Variants in UTP25 observed in about 807,000 individuals in gnomAD.
UTP25 encodes U3 small nucleolar RNA-associated protein 25 homolog.
A neutral mutation model predicts 78.9 loss-of-function variants in UTP25; 50 were observed. That is an observed-to-expected ratio of 0.63 (90% CI 0.50 to 0.80). The LOEUF (loss-of-function observed/expected upper bound fraction) is 0.80, where lower values mean the gene tolerates loss of function less well. Ranked by LOEUF, UTP25 falls within the 30% of genes least tolerant of loss-of-function variation. The probability of loss-of-function intolerance (pLI) is 0.00; values close to 1 mark genes in which losing one functional copy is unlikely to be tolerated. For missense variants in UTP25, 846 were observed against 911.3 expected (o/e 0.93, Z 0.92); for synonymous variants, 329 against 336.5 (o/e 0.98, Z 0.24).
chr1:209,840,671 T>A (rs1419203465), intron 7 of UTP25, among the ~76,000 whole-genome samples, 182 bp from the exon 8 acceptor site: 1 of 152,196 alleles, frequency 6.6e-6, no homozygotes, highest in East Asian at 1.9e-4. Context: ...GGACTATAGA[T>A]GCAAGGGAGA....
chr1:209,828,258 C>T (rs1200745687), intron 1 of UTP25, 88 bp downstream of exon 1: 2 of 982,980 alleles, frequency 2.0e-6, no homozygotes, highest in Non-Finnish European at 3.1e-6. Context: ...GCTGCTCCGG[C>T]CTTTTCCCAC....
rs957776521 is a variant in UTP25, at chr1:209,851,740, T to G, written c.*293T>G. 5 of 256,082 alleles carry G rather than the reference T, an allele frequency of 2.0e-5. No homozygotes were observed. Among genetic ancestry groups the G allele is most frequent in the African/African-American group, 1.1e-4 (5 of 45,064 alleles). The allele number at this position is 256,082 out of a possible 1,614,324, so 15.9% of individuals were successfully genotyped here. A position where few individuals can be genotyped will look rare whatever the true frequency, so the allele number is the denominator to read the frequency against. ...GAATATTTTTGTGAGACATAAATTCTTTTATTACGATTTACCTCTAATTTA... is the reference window on the plus strand; with the variant it reads ...GAATATTTTTGTGAGACATAAATTCGTTTATTACGATTTACCTCTAATTTA... On this transcript the variant is annotated 3_prime_UTR_variant, in exon 12 of 12. Transcript: ENST00000491415.
chr1:209,845,863 C>CT (rs72219049), intron 11 of UTP25, among the ~76,000 whole-genome samples: 244 of 111,462 alleles, frequency 2.2e-3, no homozygotes, highest in Admixed American at 4.6e-3. Flanking sequence ...TTTTCTTTTT[C>CT]TTTTTTTTTT....
chr1:209,851,313 G>A lies in UTP25; in HGVS notation c.2137G>A (p.Ala713Thr). The stretch of plus-strand genomic sequence containing the variant: ...GAGAGCCACCAACAGAGGAGAAGAG[G>A]CCACGTGGACCTGCACTGTTCTCTA... Reference protein sequence around the residue: ...MLRATNRGEEATWTCTVLYSK... With the variant: ...MLRATNRGEETTWTCTVLYSK... The change falls in exon 12 of 12, where the codon GCC (alanine) becomes ACC (threonine). Residue 713 changes from alanine (A) to threonine (T), a missense_variant. Ala to Thr is a moderately conservative substitution (Grantham distance 58, BLOSUM62 0). Coordinates refer to ENST00000491415, the MANE Select transcript of UTP25 (RefSeq NM_014388.7). 3 of 1,614,198 alleles carry A rather than the reference G, an allele frequency of 1.9e-6. No individual in the cohort carries two copies. The highest frequency in any genetic ancestry group is 1.7e-6 in the Non-Finnish European group (2 of 1,180,028).
chr1:209,850,653 T>C (rs1463583670), intron 11 of UTP25, among the ~76,000 whole-genome samples: 4 of 152,202 alleles, frequency 2.6e-5, no homozygotes, highest in Non-Finnish European at 4.4e-5. Context: ...TTGAAACTAA[T>C]TGCTTTCTCA....
At chr1:209,833,539 C>G (rs657861) in intron 4 of UTP25, among the ~76,000 whole-genome samples, 181 bp downstream of exon 4, 103,728 of 152,028 alleles carry the variant, frequency 0.68, 36,083 homozygotes, top group Non-Finnish European at 0.75. Flanking sequence ...AGGGGTTGGA[C>G]GGGACATTTA....
In UTP25 at chr1:209,854,667, G is replaced by T. The variant is rs1002390336; in HGVS notation, c.*3220G>T. 4 of 152,326 alleles carry T rather than the reference G, an allele frequency of 2.6e-5. No homozygotes were observed. The highest frequency in any genetic ancestry group is 9.6e-5 in the African/African-American group (4 of 41,460). 9.4% of individuals were successfully genotyped at this position (152,326 alleles called of 1,614,324 possible). On this transcript the variant is annotated 3_prime_UTR_variant, in exon 12 of 12. Transcript: ENST00000491415. ...ATCTGACCAGCCTTCCCAAGCCCAC[G>T]TGAGCAGATCTAGGGTCTCAAGATT...
rs527287375 is a variant in UTP25, at chr1:209,834,865, C to T, written c.563-210C>T. 6.6e-5 allele frequency among the ~76,000 whole-genome samples: 10 copies of T among 152,228 alleles called. No individual in the cohort carries two copies. The South Asian group carries it at 1.9e-3, about 28-fold the overall frequency. ...GCTGAGAAGTTTCTTCAAAAGTTTT[C>T]AAGCTGGGAAGTAATATAATTAGAG... On this transcript the variant is annotated intron_variant, in intron 4 of 11. Coordinates refer to ENST00000491415, the MANE Select transcript of UTP25 (RefSeq NM_014388.7).
chr1:209,836,747 T>C, intron 5 of UTP25, 54 bp from the exon 6 acceptor site: 1 of 1,526,286 alleles, frequency 6.6e-7, no homozygotes, highest in Non-Finnish European at 8.8e-7. Context: ...ACTATGTGAA[T>C]GTAATTTACT....
chr1:209,836,140 T>TAACC (rs947679361), intron 5 of UTP25, among the ~76,000 whole-genome samples: 8 of 152,178 alleles, frequency 5.3e-5, no homozygotes, highest in Non-Finnish European at 1.2e-4. Context: ...ATACAGCATG[T>TAACC]AACCTTTTGA....
At chr1:209,839,821 G>A (rs1394700008) in intron 7 of UTP25, among the ~76,000 whole-genome samples, 1 of 152,174 alleles carries the variant, frequency 6.6e-6, no homozygotes, top group Non-Finnish European at 1.5e-5. Context: ...TCCAGCCTAC[G>A]ACAGAGCAGG....
At position 209,854,290 on chromosome 1, in the gene UTP25, A is replaced by T. The variant is rs1371311806; in HGVS notation, c.*2843A>T. The T allele has an allele frequency of 6.6e-6, 1 of 152,082 alleles. No individual in the cohort carries two copies. Among genetic ancestry groups the T allele is most frequent in the African/African-American group, 2.4e-5 (1 of 41,390 alleles). 9.4% of individuals were successfully genotyped at this position (152,082 alleles called of 1,614,324 possible). ...ACTTTTAAATGTTTTTTCTTTTCCC[A>T]TAGTTAAAACAACCAGCTTAGCACT... On this transcript the variant is annotated 3_prime_UTR_variant, in exon 12 of 12. Coordinates refer to ENST00000491415, the MANE Select transcript of UTP25 (RefSeq NM_014388.7).
At chr1:209,843,335 C>A in intron 10 of UTP25, 116 bp from the exon 11 acceptor site, 1 of 1,260,134 alleles carries the variant, frequency 7.9e-7, no homozygotes, top group Non-Finnish European at 1.1e-6. Flanking sequence ...ATCATATTGG[C>A]CTCTGGGGAG....
In UTP25 at chr1:209,830,856, A is replaced by G; in HGVS notation, c.201A>G (p.Gln67=). 6.2e-7 allele frequency: 1 copy of G among 1,614,126 alleles called. No homozygotes were observed. Among genetic ancestry groups the G allele is most frequent in the South Asian group, 1.1e-5 (1 of 91,086 alleles). ...DSESDSESEP[Q]QVSGYHRLLA... The stretch of plus-strand genomic sequence containing the variant: ...AAAGCGACTCAGAGAGTGAACCACA[A>G]CAAGTTTCTGGCTACCACAGACTAC... The change falls in exon 3 of 12, where the codon CAA becomes CAG. Residue 67 remains glutamine (Q), a synonymous_variant. Coordinates refer to ENST00000491415, the MANE Select transcript of UTP25 (RefSeq NM_014388.7).
Position 209,842,658 on chromosome 1 carries a change from A to T in UTP25, c.1744A>T (p.Met582Leu), listed in dbSNP as rs773871181. The change falls in exon 10 of 12, where the codon ATG (methionine) becomes TTG (leucine). Residue 582 changes from methionine to leucine, a missense_variant. Met to Leu is a conservative substitution (Grantham distance 15). Coordinates refer to ENST00000491415, the MANE Select transcript of UTP25 (RefSeq NM_014388.7). ...LVQLPHVFQR[M>L]EAENLASVID... ...GCAGCTCCCACATGTCTTCCAGAGG[A>T]TGGAAGCTGAAAACCTAGCTTCAGT... The T allele has an allele frequency of 1.1e-5, 17 of 1,613,306 alleles. No individual in the cohort carries two copies. Among genetic ancestry groups the T allele is most frequent in the Middle Eastern group, 3.3e-4 (2 of 6,046 alleles).
Position 209,838,912 on chromosome 1 carries a change from C to G in UTP25, c.1066C>G (p.Leu356Val), listed in dbSNP as rs1181296621. Residue 356 changes from leucine (L) to valine (V), a missense_variant, in exon 7 of 12, where the codon CTG (leucine) becomes GTG (valine). By Grantham distance (32) the Leu-to-Val change is conservative. Transcript: ENST00000491415. Reference sequence around the variant, plus strand: ...GCTGCTGTTGCTGTCTGCACAGGTACTGATAGTGGTGCCATTCCGGGAAGC... The same window carrying G: ...GCTGCTGTTGCTGTCTGCACAGGTAGTGATAGTGGTGCCATTCCGGGAAGC... ...RDQGLTRPKV[L>V]IVVPFREAAL... The G allele has an allele frequency of 1.3e-5, 21 of 1,614,090 alleles. No individual in the cohort carries two copies. Among genetic ancestry groups the G allele is most frequent in the Non-Finnish European group, 1.7e-5 (20 of 1,179,958 alleles).
At chr1:209,833,427 T>C in intron 4 of UTP25, 69 bp downstream of exon 4, 6 of 1,300,904 alleles carry the variant, frequency 4.6e-6, no homozygotes, top group East Asian at 2.6e-5. Flanking sequence ...CTAATACACA[T>C]TGAATCTATT....
rs1012719746 is a variant in UTP25, at chr1:209,853,582, T to G, written c.*2135T>G. 6.6e-6 allele frequency: 1 copy of G among 152,284 alleles called. No homozygotes were observed. The highest frequency in any genetic ancestry group is 1.5e-5 in the Non-Finnish European group (1 of 68,106). 9.4% of individuals were successfully genotyped at this position (152,284 alleles called of 1,614,324 possible). On this transcript the variant is annotated 3_prime_UTR_variant, in exon 12 of 12. Transcript: ENST00000491415. ...CATGTTGGCCAGGCTGGTCTCAAAC[T>G]CTTGACCTCAAGTGATCTGCCCACC... is the stretch of plus-strand genomic sequence containing the variant.
At chr1:209,846,034 T>C (rs952174301) in intron 11 of UTP25, among the ~76,000 whole-genome samples, 5 of 151,996 alleles carry the variant, frequency 3.3e-5, no homozygotes, top group African/African-American at 9.7e-5. Flanking sequence ...TTTTTGTATT[T>C]TTAGTAGACG....
Sources: gnomAD v4.1 joint callset for allele counts (sites outside exome capture counted in the v4.1 genomes callset) on GRCh38, gnomAD v4.1.1 for gene constraint, MANE v1.5 for transcripts, NCBI Gene and HGNC (gene_info 2026-07-23, HGNC 2026-07-21) for gene names.